Variants in B4GALNT1 observed in about 807,000 individuals in gnomAD.
B4GALNT1 encodes beta-1,4 N-acetylgalactosaminyltransferase 1.
B4GALNT1 carries 43 observed loss-of-function variants against 55.2 expected under a neutral mutation model. The ratio of observed to expected loss-of-function variants is 0.78; its 90% CI spans 0.61 to 1.00. The LOEUF (loss-of-function observed/expected upper bound fraction) is 1.00, where lower values mean the gene tolerates loss of function less well. Among genes scored for constraint, B4GALNT1 ranks in the 50% least tolerant of loss-of-function variants. The pLI, the probability that B4GALNT1 is intolerant of heterozygous loss-of-function variation, is 0.00. For synonymous variants in B4GALNT1, 305 were observed against 311.6 expected (o/e 0.98, Z 0.22); for missense variants, 664 against 729.7 (o/e 0.91, Z 1.04).
rs923052560 is a variant in B4GALNT1, at chr12:57,623,687, C to A, written c.*3057G>T. ...GAGCGGGAGGGTTAGATGTGAATGG[C>A]AGAATATTAAGAAGGGGGTTGTGTG... On this transcript the variant is annotated 3_prime_UTR_variant, in exon 11 of 11. Transcript: ENST00000341156. The A allele has an allele frequency of 1.7e-5, 11 of 645,080 alleles. No individual in the cohort carries two copies. The highest frequency in any genetic ancestry group is 2.7e-5 in the Non-Finnish European group (10 of 374,044). 40.0% of individuals were successfully genotyped at this position (645,080 alleles called of 1,614,324 possible). A position where few individuals can be genotyped will look rare whatever the true frequency, so the allele number is the denominator to read the frequency against.
chr12:57,626,608 T>C lies in B4GALNT1; in HGVS notation c.*136A>G. ...ACAACCCCTACTGGGCATCAGGTTC[T>C]GAAAAGGAAGAGTGAGGAACTAGAG... On this transcript the variant is annotated 3_prime_UTR_variant, in exon 11 of 11. Transcript: ENST00000341156. 1 of 1,041,686 alleles carries C rather than the reference T, an allele frequency of 9.6e-7. No homozygotes were observed. The highest frequency in any genetic ancestry group is 1.9e-5 in the Admixed American group (1 of 51,746). 64.5% of individuals were successfully genotyped at this position (1,041,686 alleles called of 1,614,324 possible). A position where few individuals can be genotyped will look rare whatever the true frequency, so the allele number is the denominator to read the frequency against.
intron 8 of B4GALNT1, 111 bp downstream of exon 8, chr12:57,628,602 C>T (rs1884994124): frequency 1.5e-6 from 2 of 1,306,206 alleles, no homozygotes; most frequent in East Asian, 2.4e-5. Context: ...AACAGGCACC[C>T]CATGATTCTG....
At chr12:57,632,622 C>A (rs1274439956) in intron 1 of B4GALNT1, 150 bp downstream of exon 1, 2 of 180,570 alleles carry the variant, frequency 1.1e-5, no homozygotes, top group African/African-American at 2.4e-5. Flanking sequence ...TGCTGGCGGG[C>A]GCCCCCGGCG....
rs1417880100 is a variant in B4GALNT1, at chr12:57,626,360, T to A, written c.*384A>T. ...GCAGATGAGGGGCACAGTCTTGGGA[T>A]TATGTGTTGGGGAACTTCCCCACCC... is the stretch of plus-strand genomic sequence containing the variant. On this transcript the variant is annotated 3_prime_UTR_variant, in exon 11 of 11. Transcript: ENST00000341156. The A allele has an allele frequency of 3.5e-6, 1 of 282,052 alleles. No homozygotes were observed. Among genetic ancestry groups the A allele is most frequent in the African/African-American group, 2.2e-5 (1 of 45,500 alleles). 17.5% of individuals were successfully genotyped at this position (282,052 alleles called of 1,614,324 possible). A position where few individuals can be genotyped will look rare whatever the true frequency, so the allele number is the denominator to read the frequency against.
Position 57,627,850 on chromosome 12 carries a change from G to A in B4GALNT1, c.1152C>T (p.Gly384=). The A allele has an allele frequency of 1.9e-6, 3 of 1,582,452 alleles. No individual in the cohort carries two copies. Among genetic ancestry groups the A allele is most frequent in the Non-Finnish European group, 2.6e-6 (3 of 1,163,078 alleles). Residue 384 remains glycine (G), a synonymous_variant, in exon 10 of 11, where the codon GGC becomes GGT. Transcript: ENST00000341156. ...CAAAGCCGGAGATCTCGCGCACCGC[G>A]CCCCCCACCTGCAGGGAGAGGGAGG... The part of the protein sequence containing the change: ...LERTPLDLVG[G]AVREISGFAT...
Position 57,627,760 on chromosome 12 carries a change from C to T in B4GALNT1, c.1242G>A (p.Arg414=), listed in dbSNP as rs1307624952. 1.2e-6 allele frequency: 2 copies of T among 1,608,720 alleles called. No homozygotes were observed. ...GCTCGTGGTGGAAGCCGCGCCTTTG[C>T]CGGAGGCAGTTCCCGAGGCCTGGGG... ...PGAPGLGNCL[R]QRRGFHHELV... is the part of the protein sequence containing the mutation. Residue 414 remains arginine, a synonymous_variant, in exon 10 of 11, where the codon CGG becomes CGA. Coordinates refer to ENST00000341156, the MANE Select transcript of B4GALNT1 (RefSeq NM_001478.5).
intron 6 of B4GALNT1, 193 bp downstream of exon 6, chr12:57,629,959 T>C: frequency 6.5e-7 from 1 of 1,536,876 alleles, no homozygotes; most frequent in Non-Finnish European, 8.7e-7. Context: ...TCTGGCCTGC[T>C]CCAGCCCCAG....
In B4GALNT1 at chr12:57,627,660, C is replaced by T; in HGVS notation, c.1342G>A (p.Glu448Lys). 1 of 1,606,888 alleles carries T rather than the reference C, an allele frequency of 6.2e-7. No homozygotes were observed. Among genetic ancestry groups the T allele is most frequent in the Non-Finnish European group, 8.5e-7 (1 of 1,175,074 alleles). The change falls in exon 10 of 11, where the codon GAG becomes AAG. Residue 448 changes from glutamate (E) to lysine (K), a missense_variant. Coordinates refer to ENST00000341156, the MANE Select transcript of B4GALNT1 (RefSeq NM_001478.5). ...CTGAGGCGGGGGTCGAAACCGACCT[C>T]GCGCACCTTGTCAGTCCGCGCCAGG... is the stretch of plus-strand genomic sequence containing the variant. ...FFLARTDKVR[E>K]VGFDPRLSRV...
chr12:57,628,009 C>G (rs768564431), intron 9 of B4GALNT1, 113 bp downstream of exon 9: 8 of 1,506,912 alleles, frequency 5.3e-6, no homozygotes, highest in Non-Finnish European at 7.1e-6. Flanking sequence ...GGCCCCACTT[C>G]GTGGTTCTCT....
In B4GALNT1 at chr12:57,624,121, G is replaced by C. The variant is rs1361316147; in HGVS notation, c.*2623C>G. The C allele has an allele frequency of 2.5e-6, 4 of 1,610,746 alleles. No homozygotes were observed. The highest frequency in any genetic ancestry group is 3.4e-6 in the Non-Finnish European group (4 of 1,177,592). ...TTTGTGAGAAATGCCATTACCCCCA[G>C]ATTGCCCCCTCTCATCTTGTTAGCA... On this transcript the variant is annotated 3_prime_UTR_variant, in exon 11 of 11. Transcript: ENST00000341156.
At position 57,628,964 on chromosome 12, in the gene B4GALNT1, G is replaced by C. The variant is rs191819860; in HGVS notation, c.812-61C>G. On this transcript the variant is annotated intron_variant, in intron 7 of 10. Coordinates refer to ENST00000341156, the MANE Select transcript of B4GALNT1 (RefSeq NM_001478.5). ...GAGGGTTGGGAGAGGGGAACAGGTA[G>C]ATATCCCCTCCCAGGACTGCCCTCT... is the stretch of plus-strand genomic sequence containing the variant. 1.5e-4 allele frequency: 245 copies of C among 1,603,822 alleles called. 1 individual carries two copies. In the East Asian group the frequency reaches 3.7e-3, roughly 24 times the overall value.
In B4GALNT1 at chr12:57,631,334, C is replaced by A. The variant is rs1704746462; in HGVS notation, c.249G>T (p.Glu83Asp). The change falls in exon 3 of 11, where the codon GAG becomes GAT. Residue 83 changes from glutamate (E) to aspartate (D), a missense_variant. Glu to Asp is a conservative substitution (Grantham distance 45). Coordinates refer to ENST00000341156, the MANE Select transcript of B4GALNT1 (RefSeq NM_001478.5). ...GLLAWNNCSC[E>D]SSGGGLPLPF... is the part of the protein sequence containing the mutation. The stretch of plus-strand genomic sequence containing the variant: ...GGAGGGGGAGGCCCCCCCCACTGGA[C>A]TCACAACTGCAGTTGTTCCAAGCCA... The A allele has an allele frequency of 6.2e-7, 1 of 1,614,120 alleles. No individual in the cohort carries two copies.
rs755901284 is a variant in B4GALNT1, at chr12:57,624,510, T to C, written c.*2234A>G. On this transcript the variant is annotated 3_prime_UTR_variant, in exon 11 of 11. Transcript: ENST00000341156. ...ATCCCTATCCTGCAGGCTGTGTGGA[T>C]GGTCACCTGGGTGGCAGTAGTGACC... is the stretch of plus-strand genomic sequence containing the variant. 8.0e-6 allele frequency: 5 copies of C among 625,604 alleles called. No individual in the cohort carries two copies. The highest frequency in any genetic ancestry group is 1.6e-5 in the Non-Finnish European group (5 of 320,368). 38.8% of individuals were successfully genotyped at this position (625,604 alleles called of 1,614,324 possible). A position where few individuals can be genotyped will look rare whatever the true frequency, so the allele number is the denominator to read the frequency against.
At position 57,628,914 on chromosome 12, in the gene B4GALNT1, G is replaced by A; in HGVS notation, c.812-11C>T. 6.2e-7 allele frequency: 1 copy of A among 1,614,148 alleles called. No homozygotes were observed. Among genetic ancestry groups the A allele is most frequent in the Non-Finnish European group, 8.5e-7 (1 of 1,180,020 alleles). ...TGATGTTGTACTGGGCTGAGATTGG[G>A]GGCACAGGGTTGGGTGCAGACAAGG... On this transcript the variant is annotated splice_polypyrimidine_tract_variant and intron_variant, in intron 7 of 10. Transcript: ENST00000341156.
rs771694142 is a variant in B4GALNT1, at chr12:57,631,070, C to T, written c.400G>A (p.Asp134Asn). ...TTGGCAGGGGCTATGAGCAGCTGGT[C>T]AGCTGGGGACTGGCTCCTGGCAGTG... Reference protein sequence around the residue: ...AFLSRSQSPADQLLIAPANSP... With the variant: ...AFLSRSQSPANQLLIAPANSP... The change falls in exon 4 of 11, where the codon GAC becomes AAC. Residue 134 changes from aspartate to asparagine, a missense_variant. By Grantham distance (23) the Asp-to-Asn change is conservative. Transcript: ENST00000341156. 3 of 1,611,636 alleles carry T rather than the reference C, an allele frequency of 1.9e-6. No individual in the cohort carries two copies. Among genetic ancestry groups the T allele is most frequent in the South Asian group, 2.2e-5 (2 of 90,800 alleles).
At position 57,628,114 on chromosome 12, in the gene B4GALNT1, T is replaced by G; in HGVS notation, c.1143+8A>C. ...CTCCACCCCCACATCCTGCAGCCCC[T>G]GCCCTACCAGGTCCAGCGGCGTCCG... On this transcript the variant is annotated splice_region_variant and intron_variant, in intron 9 of 10. Coordinates refer to ENST00000341156, the MANE Select transcript of B4GALNT1 (RefSeq NM_001478.5). 6.2e-7 allele frequency: 1 copy of G among 1,613,486 alleles called. No individual in the cohort carries two copies. Among genetic ancestry groups the G allele is most frequent in the Non-Finnish European group, 8.5e-7 (1 of 1,180,002 alleles).
At position 57,625,672 on chromosome 12, in the gene B4GALNT1, A is replaced by T; in HGVS notation, c.*1072T>A. On this transcript the variant is annotated 3_prime_UTR_variant, in exon 11 of 11. Coordinates refer to ENST00000341156, the MANE Select transcript of B4GALNT1 (RefSeq NM_001478.5). ...GTGAGTGTGCAGGATGCAGCTGCTTATGCCCTGGGGAGCCTGTTAAGGGGC... is the reference window on the plus strand; with the variant it reads ...GTGAGTGTGCAGGATGCAGCTGCTTTTGCCCTGGGGAGCCTGTTAAGGGGC... 1 of 1,584,530 alleles carries T rather than the reference A, an allele frequency of 6.3e-7. No individual in the cohort carries two copies. Among genetic ancestry groups the T allele is most frequent in the South Asian group, 1.2e-5 (1 of 85,204 alleles).
rs146389619 is a variant in B4GALNT1, at chr12:57,624,938, C to T, written c.*1806G>A. The T allele has an allele frequency of 1.3e-4, 206 of 1,614,166 alleles. No homozygotes were observed. Among genetic ancestry groups the T allele is most frequent in the Middle Eastern group, 9.9e-4 (6 of 6,062 alleles). ...GTACTTTGGGACCCGTGGGCAGTTT[C>T]GCTGCAACCTGGAGTGGCACCTGGG... On this transcript the variant is annotated 3_prime_UTR_variant, in exon 11 of 11. Coordinates refer to ENST00000341156, the MANE Select transcript of B4GALNT1 (RefSeq NM_001478.5).
chr12:57,626,005 C>T lies in B4GALNT1; in HGVS notation c.*739G>A, dbSNP rs1594974718. The T allele has an allele frequency of 2.7e-6, 1 of 368,420 alleles. No homozygotes were observed. The allele number at this position is 368,420 out of a possible 1,614,324, so 22.8% of individuals were successfully genotyped here. Reference sequence around the variant, plus strand: ...GTCTCCTCTCTTCTCCAGGAGCTCACTGACCCAAAGATTTGCACCGTGTGG... The same window carrying T: ...GTCTCCTCTCTTCTCCAGGAGCTCATTGACCCAAAGATTTGCACCGTGTGG... On this transcript the variant is annotated 3_prime_UTR_variant, in exon 11 of 11. Coordinates refer to ENST00000341156, the MANE Select transcript of B4GALNT1 (RefSeq NM_001478.5).
Sources: gnomAD v4.1 joint callset for allele counts on GRCh38, gnomAD v4.1.1 for gene constraint, MANE v1.5 for transcripts, NCBI Gene and HGNC (gene_info 2026-07-23, HGNC 2026-07-21) for gene names.